Variants in SLC2A7 observed in about 807,000 individuals in gnomAD.
SLC2A7 encodes solute carrier family 2 member 7.
Under a neutral mutation model 50.5 loss-of-function variants are expected in SLC2A7, and 50 were observed. The observed-to-expected ratio is 0.99, with a 90% CI of 0.79 to 1.25. The LOEUF (loss-of-function observed/expected upper bound fraction) is 1.25. Among genes scored for constraint, SLC2A7 ranks in the 50% most tolerant of loss-of-function variants. The pLI, the probability that SLC2A7 is intolerant of heterozygous loss-of-function variation, is 0.00. For missense variants in SLC2A7, 683 were observed against 679.1 expected (o/e 1.01, Z -0.06); for synonymous variants, 308 against 300.4 (o/e 1.03, Z -0.26).
intron 3 of SLC2A7, 61 bp from the exon 4 acceptor site, chr1:9,019,394 A>G: frequency 3.8e-6 from 6 of 1,596,592 alleles, no homozygotes; most frequent in Non-Finnish European, 5.1e-6. Flanking sequence ...CCCTCCCAAC[A>G]CCAGCTCCTA....
chr1:9,022,015 A>C (rs1366597988), intron 3 of SLC2A7, among the ~76,000 whole-genome samples: 1 of 152,238 alleles, frequency 6.6e-6, no homozygotes, highest in African/African-American at 2.4e-5. Flanking sequence ...TCTTCTTTCC[A>C]GCGCATAATG....
chr1:9,000,745 GGTGTGTGTGT>G (rs56985979), downstream of SLC2A7, among the ~76,000 whole-genome samples: 10 of 142,092 alleles, frequency 7.0e-5, no homozygotes, highest in East Asian at 6.2e-4. Context: ...TGACTTTCCT[GGTGTGTGTGT>G]GTGTGTGTGT....
chr1:9,001,870 A>T (rs1640580173), downstream of SLC2A7, among the ~76,000 whole-genome samples: 1 of 152,142 alleles, frequency 6.6e-6, no homozygotes, highest in Non-Finnish European at 1.5e-5. Flanking sequence ...ATGTAGAAAG[A>T]AGTAGACAGA....
the SLC2A7 span, among the ~76,000 whole-genome samples, chr1:8,994,082 CT>C: frequency 6.6e-6 from 1 of 152,220 alleles, no homozygotes; most frequent in South Asian, 2.1e-4. Context: ...TGGAATTGCT[CT>C]GGTTTTTTGA....
rs1404575108 is a variant in SLC2A7, at chr1:9,008,654, T to C, written c.1117-1269A>G. ...CGCTCTGTCACCCAGGCTGGAGCAG[T>C]GCTGTGATCTTGGCTCACTGCAACC... On this transcript the variant is annotated intron_variant, in intron 9 of 11. Coordinates refer to ENST00000400906, the MANE Select transcript of SLC2A7 (RefSeq NM_207420.3). The surrounding 1 kb of genome is among the most constrained non-coding windows in gnomAD (Gnocchi z 5.9). Among the ~76,000 whole-genome samples, 1 of 150,866 alleles carries C rather than the reference T, an allele frequency of 6.6e-6. No homozygotes were observed. The highest frequency in any genetic ancestry group is 1.5e-5 in the Non-Finnish European group (1 of 67,894).
At chr1:8,995,523 G>T in the SLC2A7 span, among the ~76,000 whole-genome samples, 1 of 151,288 alleles carries the variant, frequency 6.6e-6, no homozygotes, top group African/African-American at 2.4e-5. Context: ...AAGGTGGGCA[G>T]ATCACAAGGT....
In SLC2A7 at chr1:9,015,225, C is replaced by T; in HGVS notation, c.607G>A (p.Ala203Thr). The T allele has an allele frequency of 6.2e-7, 1 of 1,600,912 alleles. No homozygotes were observed. The highest frequency in any genetic ancestry group is 1.3e-5 in the African/African-American group (1 of 74,900). Residue 203 changes from alanine to threonine, a missense_variant, in exon 6 of 12, where the codon GCG becomes ACG. Transcript: ENST00000400906. ...AGCAGGGCGGGCACCCCTGTGAGCG[C>T]CAGAAGCACCGGCCAGCCTGCAAGG... ...GNPAGWPVLL[A>T]LTGVPALLQL...
At chr1:9,017,000 G>C (rs1251625427) in intron 5 of SLC2A7, among the ~76,000 whole-genome samples, 1 of 152,100 alleles carries the variant, frequency 6.6e-6, no homozygotes, top group Non-Finnish European at 1.5e-5. Flanking sequence ...TCCCTAGTCA[G>C]GATTCCTGGG....
At chr1:9,013,158 C>T (rs1280702489) in intron 8 of SLC2A7, among the ~76,000 whole-genome samples, 4 of 152,126 alleles carry the variant, frequency 2.6e-5, no homozygotes, top group African/African-American at 9.7e-5. Context: ...TCCCAAAGTG[C>T]TGGGATTACA....
chr1:9,010,175 A>G lies in SLC2A7; in HGVS notation c.1084T>C (p.Cys362Arg). The G allele has an allele frequency of 1.3e-6, 2 of 1,552,388 alleles. No homozygotes were observed. The highest frequency in any genetic ancestry group is 1.7e-6 in the Non-Finnish European group (2 of 1,147,448). ...AGGAGCACCACCGTCAGCACCAGGC[A>G]GGCAGAGCCGCAGATGCCGTAGCCG... ...LAGYGICGSA[C>R]LVLTVVLLFQ... Residue 362 changes from cysteine (C) to arginine (R), a missense_variant, in exon 9 of 12, where the codon TGC becomes CGC. Physicochemically the swap from Cys to Arg is radical, Grantham distance 180. Coordinates refer to ENST00000400906, the MANE Select transcript of SLC2A7 (RefSeq NM_207420.3).
At chr1:9,025,608 G>C (rs905379882) in intron 1 of SLC2A7, among the ~76,000 whole-genome samples, 1 of 152,214 alleles carries the variant, frequency 6.6e-6, no homozygotes, top group Non-Finnish European at 1.5e-5. Flanking sequence ...GGGAGCAGCT[G>C]TGTAAGCATC....
At chr1:9,007,180 G>T in intron 10 of SLC2A7, 130 bp downstream of exon 10, 1 of 1,030,820 alleles carries the variant, frequency 9.7e-7, no homozygotes, top group Non-Finnish European at 1.5e-6. Context: ...CTAAGAACGT[G>T]TGGGATCTGC....
At chr1:9,019,931 AG>A (rs1195124620) in intron 3 of SLC2A7, among the ~76,000 whole-genome samples, 1 of 152,220 alleles carries the variant, frequency 6.6e-6, no homozygotes, top group Non-Finnish European at 1.5e-5. Context: ...CTCAAAAAAA[AG>A]AAAAAGAAAA....
the SLC2A7 span, among the ~76,000 whole-genome samples, chr1:8,997,403 T>C: frequency 1.6e-4 from 25 of 152,202 alleles, no homozygotes; most frequent in African/African-American, 5.8e-4. Flanking sequence ...GAGAATTTAT[T>C]TATTTATTTT....
At chr1:8,992,896 C>G in the SLC2A7 span, among the ~76,000 whole-genome samples, 2 of 152,120 alleles carry the variant, frequency 1.3e-5, no homozygotes, top group Middle Eastern at 3.2e-3. Flanking sequence ...ATAGAGATGC[C>G]CTCCCTGAAG....
chr1:9,025,088 G>A lies in SLC2A7; in HGVS notation c.52-14C>T. 2 of 1,613,260 alleles carry A rather than the reference G, an allele frequency of 1.2e-6. No individual in the cohort carries two copies. Among genetic ancestry groups the A allele is most frequent in the South Asian group, 1.1e-5 (1 of 91,060 alleles). On this transcript the variant is annotated splice_polypyrimidine_tract_variant and intron_variant, in intron 1 of 11. Transcript: ENST00000400906. ...CGGCTGGAGCCGCTGTAGGAGACAAGTCCAAGGTCGGGACGCTGTGGGCTT... is the reference window on the plus strand; with the variant it reads ...CGGCTGGAGCCGCTGTAGGAGACAAATCCAAGGTCGGGACGCTGTGGGCTT...
chr1:9,019,968 G>C (rs1640889179), intron 3 of SLC2A7, among the ~76,000 whole-genome samples: 1 of 152,176 alleles, frequency 6.6e-6, no homozygotes, highest in African/African-American at 2.4e-5. Context: ...CCAGAAGAAA[G>C]CTGTCTGCAA....
At chr1:9,025,135 C>G (rs1640977735) in intron 1 of SLC2A7, 61 bp from the exon 2 acceptor site, 1 of 1,543,234 alleles carries the variant, frequency 6.5e-7, no homozygotes, top group Non-Finnish European at 8.9e-7. Context: ...AGTGGAGTGG[C>G]TGGGCCTCCA....
chr1:9,020,310 G>C (rs937430202), intron 3 of SLC2A7, among the ~76,000 whole-genome samples: 1 of 152,214 alleles, frequency 6.6e-6, no homozygotes, highest in African/African-American at 2.4e-5. Context: ...GTGGTTTCTA[G>C]ACTAGACACG....
Sources: gnomAD v4.1 joint callset for allele counts (sites outside exome capture counted in the v4.1 genomes callset) on GRCh38, gnomAD v4.1.1 for gene constraint, Gnocchi (gnomAD v3.1) non-coding constraint, MANE v1.5 for transcripts, NCBI Gene and HGNC (gene_info 2026-07-23, HGNC 2026-07-21) for gene names.